SCFD2: variants seen among roughly 807,000 people sequenced by gnomAD.
The protein encoded by SCFD2 is sec1 family domain containing 2.
In SCFD2, 54 loss-of-function variants were observed where a neutral mutation model predicts 58.9. The observed-to-expected ratio is 0.92, with a 90% CI of 0.74 to 1.15. The LOEUF is 1.15. SCFD2 is among the 50% of genes most tolerant of loss of function. The pLI is 0.00. For synonymous variants in SCFD2, 321 were observed against 335.9 expected (o/e 0.96, Z 0.49); for missense variants, 805 against 836.6 (o/e 0.96, Z 0.47).
At chr4:52,953,221 C>T (rs1382993557) in intron 5 of SCFD2, among the ~76,000 whole-genome samples, 1 of 152,184 alleles carries the variant, frequency 6.6e-6, no homozygotes, top group African/African-American at 2.4e-5. Flanking sequence ...GCAAATGAAA[C>T]ACTCTAAAAG....
At chr4:53,059,418 T>A (rs1169795760) in intron 5 of SCFD2, among the ~76,000 whole-genome samples, 1 of 152,146 alleles carries the variant, frequency 6.6e-6, no homozygotes, top group African/African-American at 2.4e-5. Context: ...ATGTTAGAGA[T>A]GAAGAAATCA....
intron 7 of SCFD2, among the ~76,000 whole-genome samples, chr4:52,902,129 G>A (rs956069747): frequency 1.3e-5 from 2 of 152,184 alleles, no homozygotes; most frequent in African/African-American, 4.8e-5. Flanking sequence ...GAGAGTTGGG[G>A]GCCTGAGTAG....
intron 4 of SCFD2, among the ~76,000 whole-genome samples, chr4:53,178,396 A>G (rs1727418699): frequency 6.6e-6 from 1 of 152,212 alleles, no homozygotes; most frequent in Admixed American, 6.5e-5. Context: ...CAGGGTCTGG[A>G]GTGGACCTCT....
At chr4:53,283,922 C>G (rs187168614) in intron 3 of SCFD2, among the ~76,000 whole-genome samples, 80 of 151,816 alleles carry the variant, frequency 5.3e-4, no homozygotes, top group Non-Finnish European at 8.5e-4. Flanking sequence ...TCGAGACCAT[C>G]CTGGTTAACA....
chr4:53,268,518 G>A (rs752710352), intron 4 of SCFD2, among the ~76,000 whole-genome samples: 11 of 152,110 alleles, frequency 7.2e-5, no homozygotes, highest in East Asian at 1.9e-4. Context: ...GACTCTGAGC[G>A]GGGTGGTGAG....
At chr4:53,278,340 C>CA (rs1477061813) in intron 3 of SCFD2, among the ~76,000 whole-genome samples, 1 of 145,330 alleles carries the variant, frequency 6.9e-6, no homozygotes, top group Non-Finnish European at 1.5e-5. Flanking sequence ...GCCTGGGAGG[C>CA]AGAGAGAGAC....
chr4:53,175,060 T>TC (rs952315140), intron 4 of SCFD2, among the ~76,000 whole-genome samples: 5 of 151,918 alleles, frequency 3.3e-5, no homozygotes, highest in Non-Finnish European at 7.4e-5. Context: ...AAAATTTTTC[T>TC]CCCCCCACAA....
chr4:53,233,570 A>G (rs947589054), intron 4 of SCFD2, among the ~76,000 whole-genome samples: 10 of 152,226 alleles, frequency 6.6e-5, no homozygotes, highest in African/African-American at 2.2e-4. Flanking sequence ...AAGCAAGGCC[A>G]GTTAAAAAGC....
chr4:52,911,050 TAA>T (rs373772259), intron 6 of SCFD2, among the ~76,000 whole-genome samples: 22 of 140,392 alleles, frequency 1.6e-4, no homozygotes, highest in African/African-American at 2.9e-4. Flanking sequence ...CCTTAACCCA[TAA>T]AAAAAAAAAA....
chr4:52,913,135 C>G (rs1329130185), intron 6 of SCFD2, among the ~76,000 whole-genome samples: 1 of 152,130 alleles, frequency 6.6e-6, no homozygotes, highest in Non-Finnish European at 1.5e-5. Context: ...CCAATGTGGG[C>G]TGGCAATAGG....
At chr4:52,915,719 C>T (rs922872862) in intron 6 of SCFD2, among the ~76,000 whole-genome samples, 12 of 152,206 alleles carry the variant, frequency 7.9e-5, no homozygotes, top group African/African-American at 2.9e-4. Flanking sequence ...TGCTTGAGTT[C>T]ACACAGCCAA....
chr4:52,966,763 C>A (rs1465566787), intron 5 of SCFD2, among the ~76,000 whole-genome samples: 1 of 151,972 alleles, frequency 6.6e-6, no homozygotes, highest in Admixed American at 6.6e-5. Flanking sequence ...TATTAGTGAA[C>A]CAATATTGAT....
chr4:53,229,208 C>T (rs373852841), intron 4 of SCFD2, among the ~76,000 whole-genome samples: 11 of 152,078 alleles, frequency 7.2e-5, no homozygotes, highest in African/African-American at 2.2e-4. Flanking sequence ...AGGTAATTTA[C>T]AGATTCAATG....
intron 4 of SCFD2, among the ~76,000 whole-genome samples, chr4:53,201,791 T>G (rs1047563694): frequency 1.4e-4 from 21 of 152,352 alleles, no homozygotes; most frequent in African/African-American, 4.3e-4. Context: ...ATGAGCATTT[T>G]TTCATGTGTT....
intron 4 of SCFD2, among the ~76,000 whole-genome samples, chr4:53,269,156 C>T (rs975384397): frequency 5.9e-5 from 9 of 151,916 alleles, no homozygotes; most frequent in African/African-American, 1.7e-4. Flanking sequence ...CCTATTTCTA[C>T]AAAAAATAAA....
chr4:52,873,502 T>C lies in SCFD2; in HGVS notation c.*467A>G, dbSNP rs1718397084. 1 of 154,604 alleles carries C rather than the reference T, an allele frequency of 6.5e-6. No individual in the cohort carries two copies. The highest frequency in any genetic ancestry group is 6.4e-5 in the Admixed American group (1 of 15,560). The allele number at this position is 154,604 out of a possible 1,614,324, so 9.6% of individuals were successfully genotyped here. A position where few individuals can be genotyped will look rare whatever the true frequency, so the allele number is the denominator to read the frequency against. On this transcript the variant is annotated 3_prime_UTR_variant, in exon 9 of 9. Coordinates refer to ENST00000401642, the MANE Select transcript of SCFD2 (RefSeq NM_152540.4). ...GAGAGAAACAAAGCCTCAGACCCTATTTGCAATGTTCCCTCCTCAGTTATA... is the reference window on the plus strand; with the variant it reads ...GAGAGAAACAAAGCCTCAGACCCTACTTGCAATGTTCCCTCCTCAGTTATA...
chr4:53,003,465 C>A (rs1721908120), intron 5 of SCFD2, among the ~76,000 whole-genome samples: 1 of 152,156 alleles, frequency 6.6e-6, no homozygotes, highest in Admixed American at 6.6e-5. Context: ...CTGGGTAATG[C>A]AGATATAGGA....
intron 4 of SCFD2, among the ~76,000 whole-genome samples, chr4:53,238,249 G>C (rs1335394251): frequency 5.6e-4 from 71 of 127,508 alleles, no homozygotes; most frequent in African/African-American, 2.1e-3. Flanking sequence ...TCCCAGTAGG[G>C]GCGGCCAGGC....
intron 5 of SCFD2, among the ~76,000 whole-genome samples, chr4:52,946,781 A>G (rs1390504896): frequency 6.6e-6 from 1 of 152,158 alleles, no homozygotes; most frequent in Non-Finnish European, 1.5e-5. Context: ...CATTATTACT[A>G]TTCAGGACTC....
Sources: allele counts gnomAD v4.1 joint callset (sites outside exome capture counted in the v4.1 genomes callset), GRCh38; gene constraint gnomAD v4.1.1; transcripts MANE v1.5; gene names NCBI Gene and HGNC (gene_info 2026-07-23, HGNC 2026-07-21).